Variants in PTDSS1 observed in about 807,000 individuals in gnomAD.
PTDSS1 encodes phosphatidylserine synthase 1.
In PTDSS1, 45 loss-of-function variants were observed where a neutral mutation model predicts 70.5. That is an observed-to-expected ratio of 0.64 (90% CI 0.50 to 0.82). PTDSS1 has a LOEUF of 0.82. Ranked by LOEUF, PTDSS1 falls within the 40% of genes least tolerant of loss-of-function variation. The pLI, the probability that PTDSS1 is intolerant of heterozygous loss-of-function variation, is 0.00. For synonymous variants in PTDSS1, 188 were observed against 203.8 expected (o/e 0.92, Z 0.66); for missense variants, 417 against 586.1 (o/e 0.71, Z 2.98).
intron 9 of PTDSS1, among the ~76,000 whole-genome samples, chr8:96,314,699 C>CCGTTCT (rs974247750): frequency 1.5e-4 from 23 of 152,180 alleles, no homozygotes; most frequent in Non-Finnish European, 1.9e-4. Flanking sequence ...CGGGTTCATG[C>CCGTTCT]CGTTCTCCTG....
At chr8:96,298,724 C>T (rs935070925) in intron 5 of PTDSS1, among the ~76,000 whole-genome samples, 2 of 152,140 alleles carry the variant, frequency 1.3e-5, no homozygotes, top group African/African-American at 2.4e-5. Flanking sequence ...ATTTATGTCA[C>T]CATTGTAACA....
chr8:96,320,292 G>C lies in PTDSS1; in HGVS notation c.1120G>C (p.Asp374His). The change falls in exon 10 of 13, where the codon GAT becomes CAT. Residue 374 changes from aspartate (D) to histidine (H), a missense_variant. Physicochemically the swap from Asp to His is moderately conservative, Grantham distance 81 (BLOSUM62 -1). This residue lies in a region of PTDSS1 where 107 missense variants were observed against 122.3 expected (regional missense o/e 0.88). Transcript: ENST00000517309. ...CATTGTTTGCATAAAATTTGGACAA[G>C]ATCTCTTCTCTAAGACCCAAATACT... Reference protein sequence around the residue: ...EAIVCIKFGQDLFSKTQILYV... With the variant: ...EAIVCIKFGQHLFSKTQILYV... The C allele has an allele frequency of 6.2e-7, 1 of 1,613,558 alleles. No homozygotes were observed. Among genetic ancestry groups the C allele is most frequent in the Non-Finnish European group, 8.5e-7 (1 of 1,179,504 alleles).
At chr8:96,263,407 C>A (rs1470450367) in intron 1 of PTDSS1, among the ~76,000 whole-genome samples, 1 of 152,178 alleles carries the variant, frequency 6.6e-6, no homozygotes, top group African/African-American at 2.4e-5. Flanking sequence ...TTTTGAGCCA[C>A]ACTTTTGGTT....
At chr8:96,324,111 C>T (rs1446154110) in intron 10 of PTDSS1, among the ~76,000 whole-genome samples, 1 of 152,216 alleles carries the variant, frequency 6.6e-6, no homozygotes, top group African/African-American at 2.4e-5. Context: ...CCCTTTACTC[C>T]ACTTTCCAAT....
chr8:96,262,624 C>A lies in PTDSS1; in HGVS notation c.179+405C>A, dbSNP rs1810425525. 6.6e-6 allele frequency among the ~76,000 whole-genome samples: 1 copy of A among 152,208 alleles called. No individual in the cohort carries two copies. Among genetic ancestry groups the A allele is most frequent in the Admixed American group, 6.5e-5 (1 of 15,290 alleles). On this transcript the variant is annotated intron_variant, in intron 1 of 12. Coordinates refer to ENST00000517309, the MANE Select transcript of PTDSS1 (RefSeq NM_014754.3). The surrounding 1 kb of genome is among the most constrained non-coding windows in gnomAD (Gnocchi z 4.4). The stretch of plus-strand genomic sequence containing the variant: ...TCGTATGCACCACTTTCAGCACACA[C>A]CGCTACACATACAAAGCACCCCAAT...
chr8:96,272,600 A>G (rs1164602427), intron 1 of PTDSS1, among the ~76,000 whole-genome samples: 1 of 152,160 alleles, frequency 6.6e-6, no homozygotes, highest in Non-Finnish European at 1.5e-5. Flanking sequence ...CCAGCTTAGC[A>G]ATGTCTTACC....
intron 2 of PTDSS1, among the ~76,000 whole-genome samples, chr8:96,276,972 ACG>A (rs377294157): frequency 0.062 from 8,057 of 129,324 alleles, 670 homozygotes; most frequent in African/African-American, 0.18. Flanking sequence ...ACACGCGCGC[ACG>A]CGCGCGCACA....
chr8:96,330,132 C>A (rs1414256118), intron 10 of PTDSS1, 81 bp from the exon 11 acceptor site: 2 of 1,317,230 alleles, frequency 1.5e-6, no homozygotes, highest in Non-Finnish European at 1.1e-6. Context: ...ATTGAACGGT[C>A]CTGCATTGAT....
intron 9 of PTDSS1, among the ~76,000 whole-genome samples, chr8:96,315,779 T>C (rs919100253): frequency 1.2e-4 from 18 of 152,078 alleles, no homozygotes; most frequent in Middle Eastern, 6.8e-3. Flanking sequence ...TCAAAGGGAG[T>C]GGAGGCCCTG....
intron 11 of PTDSS1, 102 bp from the exon 12 acceptor site, chr8:96,330,924 C>A: frequency 1.0e-6 from 1 of 971,960 alleles, no homozygotes; most frequent in Non-Finnish European, 1.6e-6. Flanking sequence ...GTGATGATCC[C>A]AGCCTGGGAG....
chr8:96,289,019 C>G (rs1810864921), intron 4 of PTDSS1, among the ~76,000 whole-genome samples: 1 of 151,768 alleles, frequency 6.6e-6, no homozygotes, highest in Non-Finnish European at 1.5e-5. Flanking sequence ...ACTGTAACCT[C>G]CACCTCCCTG....
intron 2 of PTDSS1, among the ~76,000 whole-genome samples, chr8:96,275,147 A>T (rs1586183434): frequency 6.7e-6 from 1 of 149,724 alleles, no homozygotes; most frequent in Middle Eastern, 3.5e-3. Context: ...ATTTTTAATT[A>T]AAAAAAAAAA....
chr8:96,315,245 C>T lies in PTDSS1; in HGVS notation c.1074-5001C>T, dbSNP rs541872350. On this transcript the variant is annotated intron_variant, in intron 9 of 12. Transcript: ENST00000517309. ...TTAACATGGATACACATCTCATTTC[C>T]ACTATTGGAGGCTGGGCCCTGGCTG... Among the ~76,000 whole-genome samples, 6 of 152,296 alleles carry T rather than the reference C, an allele frequency of 3.9e-5. No individual in the cohort carries two copies. The South Asian group carries it at 1.2e-3, about 32-fold the overall frequency.
chr8:96,310,826 C>G (rs893244533), intron 9 of PTDSS1, among the ~76,000 whole-genome samples: 1 of 151,546 alleles, frequency 6.6e-6, no homozygotes, highest in African/African-American at 2.4e-5. Flanking sequence ...AGTACAGTGG[C>G]GTGATCTCGG....
intron 9 of PTDSS1, among the ~76,000 whole-genome samples, chr8:96,314,438 G>GC (rs981587540): frequency 6.6e-6 from 1 of 151,606 alleles, no homozygotes; most frequent in Admixed American, 6.6e-5. Context: ...TGTTGGGAGG[G>GC]GGGTCCCTTC....
Position 96,335,160 on chromosome 8 carries a change from C to T in PTDSS1, c.*1594C>T, listed in dbSNP as rs923181413. The T allele has an allele frequency of 1.3e-5, 2 of 152,186 alleles. No homozygotes were observed. Among genetic ancestry groups the T allele is most frequent in the African/African-American group, 4.8e-5 (2 of 41,454 alleles). 9.4% of individuals were successfully genotyped at this position (152,186 alleles called of 1,614,324 possible). A position where few individuals can be genotyped will look rare whatever the true frequency, so the allele number is the denominator to read the frequency against. ...TCAGCTCCGAGCTCTCAAATGTCCTCCAGCCAGCATCTGCCTGCTTCCCAC... is the reference window on the plus strand; with the variant it reads ...TCAGCTCCGAGCTCTCAAATGTCCTTCAGCCAGCATCTGCCTGCTTCCCAC... On this transcript the variant is annotated 3_prime_UTR_variant, in exon 13 of 13. Coordinates refer to ENST00000517309, the MANE Select transcript of PTDSS1 (RefSeq NM_014754.3).
Position 96,335,709 on chromosome 8 carries a change from A to G in PTDSS1, c.*2143A>G, listed in dbSNP as rs765814810. 21 of 152,214 alleles carry G rather than the reference A, an allele frequency of 1.4e-4. No individual in the cohort carries two copies. Among genetic ancestry groups the G allele is most frequent in the South Asian group, 2.1e-4 (1 of 4,830 alleles). 9.4% of individuals were successfully genotyped at this position (152,214 alleles called of 1,614,324 possible). ...TTCCCTTCAGTCAGAGCTCTTTACT[A>G]TAGTAGTTACAAAACCAGTGCTTTC... On this transcript the variant is annotated 3_prime_UTR_variant, in exon 13 of 13. Transcript: ENST00000517309.
chr8:96,320,183 T>G, intron 9 of PTDSS1, 63 bp from the exon 10 acceptor site: 1 of 1,372,916 alleles, frequency 7.3e-7, no homozygotes, highest in Non-Finnish European at 1.0e-6. Context: ...ATGCATATTT[T>G]GGATAAAGTG....
At chr8:96,316,123 A>C (rs1811285064) in intron 9 of PTDSS1, among the ~76,000 whole-genome samples, 1 of 152,164 alleles carries the variant, frequency 6.6e-6, no homozygotes, top group African/African-American at 2.4e-5. Flanking sequence ...TGGTGGTTAA[A>C]GGAGCCCATG....
Sources: gnomAD v4.1 joint callset for allele counts (sites outside exome capture counted in the v4.1 genomes callset) on GRCh38, gnomAD v4.1.1 for gene constraint, gnomAD v4.1.1 regional missense constraint, Gnocchi (gnomAD v3.1) non-coding constraint, MANE v1.5 for transcripts, NCBI Gene and HGNC (gene_info 2026-07-23, HGNC 2026-07-21) for gene names.